The following CAPN1 variants were observed in gnomAD, a reference collection of about 807,000 sequenced individuals.
CAPN1 encodes the protein calpain-1 catalytic subunit.
CAPN1 carries 77 observed loss-of-function variants against 105.2 expected under a neutral mutation model. The ratio of observed to expected loss-of-function variants is 0.73; its 90% confidence interval spans 0.61 to 0.88. CAPN1 has a LOEUF of 0.88. Among genes scored for constraint, CAPN1 ranks in the 40% least tolerant of loss-of-function variants. The pLI, the probability that CAPN1 is intolerant of heterozygous loss-of-function variation, is 0.00. For synonymous variants in CAPN1, 355 were observed against 388.8 expected, an observed-to-expected ratio of 0.91 and a Z score of 1.02; for missense variants, 833 against 976.6, an observed-to-expected ratio of 0.85 and a Z score of 1.96.
At chr11:65,183,051 G>A in intron 2 of CAPN1, 77 bp from the exon 3 acceptor site, 2 of 1,609,446 alleles carry the variant, frequency 1.2e-6, no homozygotes, top group African/African-American at 1.3e-5. Flanking sequence ...TCCCTGGTGG[G>A]GAATGGGGTC....
rs959025362 is a variant in CAPN1, at chr11:65,204,631, A to C, written c.1166-52A>C. The C allele has an allele frequency of 1.3e-5, 21 of 1,559,802 alleles. No individual in the cohort carries two copies. The African/African-American group carries it at 2.3e-4, about 17-fold the overall frequency. ...ACGTGCTGAGGAGGCTTGGGGGCCAATTGGCTCTGCCCCGCCCTGCCTCTG... is the reference window on the plus strand; with the variant it reads ...ACGTGCTGAGGAGGCTTGGGGGCCACTTGGCTCTGCCCCGCCCTGCCTCTG... On this transcript the variant is annotated intron_variant, in intron 10 of 21. Coordinates refer to ENST00000279247, the MANE Select transcript of CAPN1 (RefSeq NM_005186.4).
chr11:65,210,306 C>T lies in CAPN1; in HGVS notation c.1943-30C>T, dbSNP rs1196008283. ...ATCCTGTTGGGCAGGGGCTGCGCCT[C>T]ACTGACCTTCACTCACTCTCCTGGA... On this transcript the variant is annotated intron_variant, in intron 19 of 21. Transcript: ENST00000279247. The surrounding 1 kb of genome is among the most constrained non-coding windows in gnomAD (Gnocchi z 4.3). The T allele has an allele frequency of 1.3e-6, 2 of 1,507,622 alleles. No individual in the cohort carries two copies. Among genetic ancestry groups the T allele is most frequent in the East Asian group, 4.6e-5 (2 of 43,880 alleles). 93.4% of individuals were successfully genotyped at this position (1,507,622 alleles called of 1,614,324 possible). A position where few individuals can be genotyped will look rare whatever the true frequency, so the allele number is the denominator to read the frequency against.
chr11:65,204,473 G>A (rs1948919878), intron 10 of CAPN1, among the ~76,000 whole-genome samples: 1 of 152,174 alleles, frequency 6.6e-6, no homozygotes, highest in African/African-American at 2.4e-5. Context: ...TAACGGACTT[G>A]CTCAGACTTA....
intron 12 of CAPN1, 184 bp from the exon 13 acceptor site, chr11:65,206,279 A>C (rs1338911985): frequency 1.7e-6 from 1 of 604,808 alleles, no homozygotes; most frequent in Non-Finnish European, 2.9e-6. Flanking sequence ...GGGTTGTTAC[A>C]TTTTACAGAT....
At position 65,186,166 on chromosome 11, in the gene CAPN1, A is replaced by G; in HGVS notation, c.591-4A>G. Reference sequence around the variant, plus strand: ...CCAGAGTGCTGACCTGGAGCTGCCCACAGGGTAAATGGCAGCTACGAGGCC... The same window carrying G: ...CCAGAGTGCTGACCTGGAGCTGCCCGCAGGGTAAATGGCAGCTACGAGGCC... On this transcript the variant is annotated splice_polypyrimidine_tract_variant and splice_region_variant and intron_variant, in intron 5 of 21. Coordinates refer to ENST00000279247, the MANE Select transcript of CAPN1 (RefSeq NM_005186.4). The G allele has an allele frequency of 6.2e-7, 1 of 1,612,558 alleles. No individual in the cohort carries two copies. Among genetic ancestry groups the G allele is most frequent in the South Asian group, 1.1e-5 (1 of 90,896 alleles).
At chr11:65,204,580 T>C in intron 10 of CAPN1, 103 bp from the exon 11 acceptor site, 3 of 1,045,220 alleles carry the variant, frequency 2.9e-6, no homozygotes, top group South Asian at 1.5e-5. Flanking sequence ...ATAATATTTG[T>C]TGAATGAATG....
At chr11:65,201,091 C>T (rs1175034394) in intron 10 of CAPN1, among the ~76,000 whole-genome samples, 3 of 151,484 alleles carry the variant, frequency 2.0e-5, no homozygotes, top group Non-Finnish European at 4.4e-5. Flanking sequence ...ACTACAGGTG[C>T]CCACCACCAC....
upstream of CAPN1, chr11:65,181,625 G>A (rs888121825): frequency 1.0e-5 from 4 of 397,594 alleles, no homozygotes; most frequent in South Asian, 3.4e-5. The surrounding 1 kb of genome is among the most constrained non-coding windows in gnomAD (Gnocchi z 4.6). Flanking sequence ...CCCCTGCCCG[G>A]CCCTCCCCCT....
intron 3 of CAPN1, 42 bp downstream of exon 3, chr11:65,183,239 G>A (rs756493235): frequency 6.4e-7 from 1 of 1,570,384 alleles, no homozygotes; most frequent in African/African-American, 1.4e-5. Flanking sequence ...TTTTTCCACA[G>A]TAGTTCCCCA....
intron 10 of CAPN1, among the ~76,000 whole-genome samples, chr11:65,189,590 C>G (rs1948690959): frequency 6.6e-6 from 1 of 152,136 alleles, no homozygotes; most frequent in African/African-American, 2.4e-5. Flanking sequence ...ACCATCCTGC[C>G]TCTCCCATCT....
intron 21 of CAPN1, 125 bp from the exon 22 acceptor site, chr11:65,211,135 C>T: frequency 9.3e-7 from 1 of 1,079,394 alleles, no homozygotes; most frequent in Non-Finnish European, 1.4e-6. Context: ...AGAAAGTAAC[C>T]CCTCCATGAG....
chr11:65,185,558 A>G (rs1948619645), intron 4 of CAPN1, among the ~76,000 whole-genome samples: 1 of 151,544 alleles, frequency 6.6e-6, no homozygotes, highest in Admixed American at 6.6e-5. Context: ...CTGTTTGCAG[A>G]CCCTCTGAAC....
Position 65,181,997 on chromosome 11 carries a change from AAACACCC to A in CAPN1, c.-17_-11del, listed in dbSNP as rs1378825175. 6.3e-6 allele frequency: 1 copy of A among 158,538 alleles called. No individual in the cohort carries two copies. The highest frequency in any genetic ancestry group is 1.4e-5 in the Non-Finnish European group (1 of 72,016). 9.8% of individuals were successfully genotyped at this position (158,538 alleles called of 1,614,324 possible). On this transcript the variant is annotated 5_prime_UTR_variant, in exon 1 of 22. Coordinates refer to ENST00000279247, the MANE Select transcript of CAPN1 (RefSeq NM_005186.4). The surrounding 1 kb of genome is among the most constrained non-coding windows in gnomAD (Gnocchi z 4.6). Reference sequence around the variant, plus strand: ...AGCCTCAGGGACTGCAGCGACCCCCAAACACCCCTCCCCCAGGTAAGAAGCTGGGTAG... The same window carrying A: ...AGCCTCAGGGACTGCAGCGACCCCCACTCCCCCAGGTAAGAAGCTGGGTAG...
At chr11:65,196,270 A>G (rs1948791637) in intron 10 of CAPN1, among the ~76,000 whole-genome samples, 1 of 151,204 alleles carries the variant, frequency 6.6e-6, no homozygotes, top group African/African-American at 2.4e-5. Context: ...TTTGGGTTCA[A>G]TTTGCCCATT....
intron 10 of CAPN1, among the ~76,000 whole-genome samples, chr11:65,196,027 G>A (rs1948788692): frequency 6.6e-6 from 1 of 151,726 alleles, no homozygotes; most frequent in African/African-American, 2.4e-5. Context: ...ATTGTCTATA[G>A]TGTTTCCTTG....
chr11:65,205,600 C>T, intron 11 of CAPN1, 110 bp from the exon 12 acceptor site: 1 of 1,092,896 alleles, frequency 9.2e-7, no homozygotes, highest in South Asian at 1.3e-5. Context: ...CCTTCTGCCT[C>T]CTTATCCCAT....
Position 65,207,914 on chromosome 11 carries a change from AAAAAG to A in CAPN1, c.1606-125_1606-121del, listed in dbSNP as rs4014188. 0.89 allele frequency: 552,684 copies of A among 617,882 alleles called. 247,695 individuals are homozygous for A. The highest frequency in any genetic ancestry group is 0.93 in the East Asian group (33,340 of 35,850). 38.3% of individuals were successfully genotyped at this position (617,882 alleles called of 1,614,324 possible). On this transcript the variant is annotated intron_variant, in intron 14 of 21. Transcript: ENST00000279247. ...GGGTGACAGAGTGAAACTCCATCTC[AAAAAG>A]AAAAGAAAAGAAAAGTGAGGCTCAG...
intron 14 of CAPN1, among the ~76,000 whole-genome samples, chr11:65,207,199 CTTT>C (rs34786351): frequency 8.8e-6 from 1 of 113,354 alleles, no homozygotes; most frequent in Non-Finnish European, 1.8e-5. Context: ...AAACTCTTGC[CTTT>C]TTTTTTTTTT....
At chr11:65,183,408 T>G in intron 3 of CAPN1, 66 bp from the exon 4 acceptor site, 1 of 1,311,740 alleles carries the variant, frequency 7.6e-7, no homozygotes, top group Non-Finnish European at 1.1e-6. Flanking sequence ...AGATTCTCCC[T>G]AGCACCCGCT....
Sources: gnomAD v4.1 joint callset for allele counts (sites outside exome capture counted in the v4.1 genomes callset) on GRCh38, gnomAD v4.1.1 for gene constraint, Gnocchi (gnomAD v3.1) non-coding constraint, MANE v1.5 for transcripts, NCBI Gene and HGNC (gene_info 2026-07-23, HGNC 2026-07-21) for gene names.